PTPRD: variants seen among roughly 807,000 people sequenced by gnomAD.
PTPRD encodes receptor-type tyrosine-protein phosphatase delta.
PTPRD carries 34 observed loss-of-function variants against 214.5 expected under a neutral mutation model. That is an observed-to-expected ratio of 0.16 (90% CI 0.12 to 0.21). The LOEUF (loss-of-function observed/expected upper bound fraction) is 0.21. PTPRD is among the 10% of genes least tolerant of loss of function. PTPRD has a pLI of 1.00. For missense variants in PTPRD, 2,545 were observed against 2,398.7 expected (o/e 1.06, Z -1.27); for synonymous variants, 1,128 against 845.7 (o/e 1.33, Z -5.79).
At chr9:9,650,671 A>C (rs2096316267) in intron 7 of PTPRD, among the ~76,000 whole-genome samples, 1 of 152,070 alleles carries the variant, frequency 6.6e-6, no homozygotes, top group South Asian at 2.1e-4. Context: ...AAAATAACTA[A>C]CGAGTACTAG....
At chr9:9,675,607 T>G (rs1373832047) in intron 7 of PTPRD, among the ~76,000 whole-genome samples, 6 of 151,884 alleles carry the variant, frequency 4.0e-5, no homozygotes, top group South Asian at 2.1e-4. Flanking sequence ...ATATAAAAAT[T>G]TAATCCAATA....
chr9:10,559,609 G>C (rs1489748970), intron 2 of PTPRD, among the ~76,000 whole-genome samples: 4 of 152,080 alleles, frequency 2.6e-5, no homozygotes, highest in African/African-American at 9.7e-5. Flanking sequence ...GCTACCATCA[G>C]AGTGAACAGG....
At position 9,361,524 on chromosome 9, in the gene PTPRD, C is replaced by CT. The variant is rs992558722; in HGVS notation, c.-203+35924dup. ...TGCCAGATTCAATTCTACTGTTGAT[C>CT]TTTTTTTTTATTGATACATAACAGA... On this transcript the variant is annotated intron_variant, in intron 9 of 45. Coordinates refer to ENST00000381196, the MANE Select transcript of PTPRD (RefSeq NM_002839.4). Among the ~76,000 whole-genome samples, 39 of 149,518 alleles carry CT rather than the reference C, an allele frequency of 2.6e-4. No homozygotes were observed. The South Asian group carries it at 4.4e-3, about 17-fold the overall frequency.
chr9:10,596,489 T>C (rs1318537945), intron 2 of PTPRD, among the ~76,000 whole-genome samples: 1 of 151,682 alleles, frequency 6.6e-6, no homozygotes, highest in African/African-American at 2.4e-5. Context: ...TTATAAACAA[T>C]AACTAATTGT....
rs941161599 is a variant in PTPRD, at chr9:8,713,817, C to G, written c.64+19963G>C. 4.6e-6 allele frequency: 7 copies of G among 1,524,402 alleles called. 1 individual carries two copies. Among genetic ancestry groups the G allele is most frequent in the Non-Finnish European group, 6.2e-6 (7 of 1,128,342 alleles). 94.4% of individuals were successfully genotyped at this position (1,524,402 alleles called of 1,614,324 possible). On this transcript the variant is annotated intron_variant, in intron 12 of 45. Coordinates refer to ENST00000381196, the MANE Select transcript of PTPRD (RefSeq NM_002839.4). ...TTCAGCACAAGCCACGATTCACCACCAAGAGGCCCAACACCTTCTTCTAGG... is the reference window on the plus strand; with the variant it reads ...TTCAGCACAAGCCACGATTCACCACGAAGAGGCCCAACACCTTCTTCTAGG...
At chr9:10,416,760 A>G (rs1244111661) in intron 2 of PTPRD, among the ~76,000 whole-genome samples, 1 of 151,834 alleles carries the variant, frequency 6.6e-6, no homozygotes, top group East Asian at 2.0e-4. Flanking sequence ...CAAGATATTT[A>G]TAAGTTTGGG....
At chr9:8,901,797 C>G (rs1279034096) in intron 11 of PTPRD, among the ~76,000 whole-genome samples, 1 of 152,128 alleles carries the variant, frequency 6.6e-6, no homozygotes, top group Non-Finnish European at 1.5e-5. Flanking sequence ...TGTCCTTGGT[C>G]TGACTTTATA....
At chr9:10,575,256 C>G (rs2068838092) in intron 2 of PTPRD, among the ~76,000 whole-genome samples, 1 of 151,940 alleles carries the variant, frequency 6.6e-6, no homozygotes, top group Non-Finnish European at 1.5e-5. Flanking sequence ...TTTCCCAATA[C>G]TAATTACAAT....
intron 3 of PTPRD, among the ~76,000 whole-genome samples, chr9:10,115,150 A>G (rs1454556972): frequency 5.3e-5 from 8 of 152,032 alleles, no homozygotes. Context: ...TTAAAAAGAA[A>G]AGACACACAC....
chr9:8,616,369 A>G (rs956203313), intron 14 of PTPRD, among the ~76,000 whole-genome samples: 5 of 152,128 alleles, frequency 3.3e-5, no homozygotes, highest in Non-Finnish European at 7.4e-5. Context: ...CATGGTCTTC[A>G]TAACTTCATT....
At chr9:8,350,857 C>A (rs1314600898) in intron 39 of PTPRD, among the ~76,000 whole-genome samples, 1 of 152,210 alleles carries the variant, frequency 6.6e-6, no homozygotes, top group East Asian at 1.9e-4. Flanking sequence ...TACACTATAT[C>A]CCTATACTAA....
intron 10 of PTPRD, among the ~76,000 whole-genome samples, chr9:9,140,027 G>C (rs2099857401): frequency 6.6e-6 from 1 of 151,964 alleles, no homozygotes. Flanking sequence ...GAAGAGAATG[G>C]ATTATTTTGT....
intron 8 of PTPRD, among the ~76,000 whole-genome samples, chr9:9,438,588 G>A (rs539006359): frequency 2.6e-5 from 4 of 152,262 alleles, no homozygotes; most frequent in African/African-American, 9.6e-5. Context: ...GCCAACCAAA[G>A]CATCTATCCC....
chr9:10,592,280 G>GTC lies in PTPRD; in HGVS notation c.-600+20117_-600+20118insGA, dbSNP rs370649052. ...GAAGGTCCCAGGATGACATATGTGAGCCAGTAGACTAAATCTCACCAAATG... is the reference window on the plus strand; with the variant it reads ...GAAGGTCCCAGGATGACATATGTGAGTCCCAGTAGACTAAATCTCACCAAATG... On this transcript the variant is annotated intron_variant, in intron 2 of 45. Coordinates refer to ENST00000381196, the MANE Select transcript of PTPRD (RefSeq NM_002839.4). 9.4e-3 allele frequency among the ~76,000 whole-genome samples: 1,431 copies of GTC among 152,098 alleles called. 28 individuals are homozygous for GTC. The highest frequency in any genetic ancestry group is 0.032 in the African/African-American group (1,347 of 41,518).
intron 11 of PTPRD, among the ~76,000 whole-genome samples, chr9:8,751,219 A>G (rs1456613413): frequency 6.6e-6 from 1 of 152,136 alleles, no homozygotes; most frequent in Admixed American, 6.5e-5. Context: ...TCCATAGAGC[A>G]GTTTAACACA....
chr9:8,591,722 A>G (rs569055444), intron 14 of PTPRD, among the ~76,000 whole-genome samples: 7 of 152,294 alleles, frequency 4.6e-5, no homozygotes, highest in Middle Eastern at 3.4e-3. Context: ...ATGAGCCTAG[A>G]GAGCAAACCA....
chr9:8,417,638 A>C (rs1459568097), intron 35 of PTPRD, among the ~76,000 whole-genome samples: 1 of 152,194 alleles, frequency 6.6e-6, no homozygotes, highest in African/African-American at 2.4e-5. Flanking sequence ...GTCTGAACAC[A>C]GAAAAAGTAT....
rs549706663 is a variant in PTPRD at position 9,370,142 on chromosome 9, G to A, written c.-203+27307C>T. ...CTTTAAAGTAGTTTTTTCCAATTCT[G>A]TGAAGAAAGTCATTGGTAGCTTGAT... On this transcript the variant is annotated intron_variant, in intron 9 of 45. Transcript: ENST00000381196. 4.6e-5 allele frequency among the ~76,000 whole-genome samples: 7 copies of A among 152,144 alleles called. No homozygotes were observed. The South Asian group carries it at 1.5e-3, about 32-fold the overall frequency.
chr9:8,525,336 G>C (rs1176405190), intron 17 of PTPRD: 2 of 459,006 alleles, frequency 4.4e-6, no homozygotes, highest in East Asian at 4.3e-5. Flanking sequence ...AGATGGGTGA[G>C]ACTGCTTCAA....
Sources: allele counts gnomAD v4.1 joint callset (sites outside exome capture counted in the v4.1 genomes callset), GRCh38; gene constraint gnomAD v4.1.1; transcripts MANE v1.5; gene names NCBI Gene and HGNC (gene_info 2026-07-23, HGNC 2026-07-21).